The following SAMD12 variants were observed in gnomAD, a reference collection of about 807,000 sequenced individuals.
SAMD12 encodes sterile alpha motif domain-containing protein 12.
SAMD12 carries 9 observed loss-of-function variants against 15.0 expected under a neutral mutation model. That is an observed-to-expected ratio of 0.60 (90% confidence interval 0.36 to 1.05). The LOEUF (loss-of-function observed/expected upper bound fraction) is 1.05, where lower values mean the gene tolerates loss of function less well. SAMD12 is among the 50% of genes least tolerant of loss of function. SAMD12 has a pLI of 0.01. For synonymous variants in SAMD12, 86 were observed against 90.1 expected (o/e 0.96, Z 0.25); for missense variants, 230 against 234.2 (o/e 0.98, Z 0.12).
At chr8:118,576,179 T>C (rs1027039369) in intron 2 of SAMD12, among the ~76,000 whole-genome samples, 1 of 152,170 alleles carries the variant, frequency 6.6e-6, no homozygotes, top group Admixed American at 6.5e-5. Context: ...TATGTCCACA[T>C]TGTCCAAAAC....
chr8:118,135,225 A>G, the SAMD12 span, among the ~76,000 whole-genome samples: 3 of 152,198 alleles, frequency 2.0e-5, no homozygotes, highest in Admixed American at 2.0e-4. Context: ...TCTATCACCC[A>G]GGCTAGAGTG....
At chr8:118,318,614 G>A (rs550890060) in intron 4 of SAMD12, among the ~76,000 whole-genome samples, 1 of 152,122 alleles carries the variant, frequency 6.6e-6, no homozygotes, top group African/African-American at 2.4e-5. Context: ...TGGATACAGT[G>A]TAGTCTACTT....
intron 4 of SAMD12, among the ~76,000 whole-genome samples, chr8:118,232,935 ACT>A (rs1352666495): frequency 2.6e-5 from 4 of 152,134 alleles, no homozygotes; most frequent in African/African-American, 7.2e-5. Context: ...CAATATTGAA[ACT>A]CTGCCAGAAA....
chr8:118,228,302 A>G (rs17485212), intron 4 of SAMD12, among the ~76,000 whole-genome samples: 4,928 of 152,316 alleles, frequency 0.032, 269 homozygotes, highest in African/African-American at 0.11. Context: ...TAAACTAAAG[A>G]GCTTTTCCAT....
At chr8:118,506,828 C>G (rs74900471) in intron 2 of SAMD12, among the ~76,000 whole-genome samples, 1 of 149,928 alleles carries the variant, frequency 6.7e-6, no homozygotes, top group Admixed American at 6.7e-5. Context: ...GAAAGTGTGA[C>G]TGGCTGGGTG....
At chr8:118,351,532 T>C (rs1396371073) in intron 4 of SAMD12, among the ~76,000 whole-genome samples, 1 of 152,198 alleles carries the variant, frequency 6.6e-6, no homozygotes. Flanking sequence ...CTGTGGTCTG[T>C]CATGGTTTAA....
intron 2 of SAMD12, among the ~76,000 whole-genome samples, chr8:118,561,210 C>T (rs181695856): frequency 8.8e-4 from 134 of 152,142 alleles, no homozygotes; most frequent in African/African-American, 3.1e-3. Flanking sequence ...GTTTTGACCA[C>T]AATATTACAA....
intron 2 of SAMD12, among the ~76,000 whole-genome samples, chr8:118,537,318 T>C (rs1262416536): frequency 6.6e-6 from 1 of 152,186 alleles, no homozygotes; most frequent in African/African-American, 2.4e-5. Flanking sequence ...GATATCTTTC[T>C]CTAGGTTTGG....
intron 2 of SAMD12, among the ~76,000 whole-genome samples, chr8:118,456,486 A>T (rs1467175160): frequency 6.6e-6 from 1 of 152,226 alleles, no homozygotes; most frequent in Non-Finnish European, 1.5e-5. Context: ...TGAATTATAC[A>T]ATAAGTATGG....
chr8:118,603,283 A>G (rs79336942), intron 1 of SAMD12, among the ~76,000 whole-genome samples: 2 of 152,308 alleles, frequency 1.3e-5, no homozygotes, highest in African/African-American at 4.8e-5. Context: ...ACCACAAAAT[A>G]CACAACACAG....
At chr8:118,462,617 CA>C in intron 2 of SAMD12, among the ~76,000 whole-genome samples, 1 of 152,180 alleles carries the variant, frequency 6.6e-6, no homozygotes, top group African/African-American at 2.4e-5. Context: ...GAATCCTCCA[CA>C]AAATCAAACT....
intron 1 of SAMD12, among the ~76,000 whole-genome samples, chr8:118,618,838 CA>C (rs34748614): frequency 1.6e-3 from 185 of 118,790 alleles, no homozygotes; most frequent in Admixed American, 2.9e-3. Flanking sequence ...GACTCCGTCT[CA>C]AAAAAAAAAA....
intron 4 of SAMD12, among the ~76,000 whole-genome samples, chr8:118,300,984 T>C (rs1023621038): frequency 1.3e-5 from 2 of 152,240 alleles, no homozygotes; most frequent in Non-Finnish European, 2.9e-5. Flanking sequence ...CAAATAATTT[T>C]ATGCACTTGT....
At chr8:118,159,215 C>A in the SAMD12 span, among the ~76,000 whole-genome samples, 2 of 152,240 alleles carry the variant, frequency 1.3e-5, no homozygotes, top group African/African-American at 4.8e-5. Flanking sequence ...CTTTGTGTTT[C>A]CTGGTGTCTC....
intron 2 of SAMD12, among the ~76,000 whole-genome samples, chr8:118,468,676 T>C (rs1823668016): frequency 6.6e-6 from 1 of 152,000 alleles, no homozygotes; most frequent in Non-Finnish European, 1.5e-5. Context: ...GGCTTCCTTG[T>C]GGCAACATAC....
intron 4 of SAMD12, among the ~76,000 whole-genome samples, chr8:118,351,423 T>C (rs1168690862): frequency 2.0e-5 from 3 of 152,100 alleles, no homozygotes. Flanking sequence ...TACTGGAAAG[T>C]GAGGCTAGGA....
intron 3 of SAMD12, among the ~76,000 whole-genome samples, chr8:118,431,029 A>T (rs1822387676): frequency 1.3e-5 from 2 of 152,194 alleles, no homozygotes; most frequent in South Asian, 2.1e-4. Flanking sequence ...TTCTCAACAC[A>T]TTATTTATCT....
Position 118,577,710 on chromosome 8 carries a change from G to C in SAMD12, c.192+3005C>G, listed in dbSNP as rs188680256. 4.0e-4 allele frequency among the ~76,000 whole-genome samples: 61 copies of C among 152,260 alleles called. 1 individual carries two copies. The highest frequency in any genetic ancestry group is 1.3e-4 in the Non-Finnish European group (9 of 68,012). On this transcript the variant is annotated intron_variant, in intron 2 of 3. Transcript: ENST00000314727. ...CAGAGCTCTCGCATCCCAGAGTTCAGGTGAAGGCAGATACAAAAGCACCTT... is the reference window on the plus strand; with the variant it reads ...CAGAGCTCTCGCATCCCAGAGTTCACGTGAAGGCAGATACAAAAGCACCTT...
At chr8:118,610,037 ACT>A (rs1422689515) in intron 1 of SAMD12, among the ~76,000 whole-genome samples, 1 of 152,210 alleles carries the variant, frequency 6.6e-6, no homozygotes, top group African/African-American at 2.4e-5. Context: ...AGTGTCATTC[ACT>A]GTGTTGAGCT....
Sources: allele counts gnomAD v4.1 joint callset (sites outside exome capture counted in the v4.1 genomes callset), GRCh38; gene constraint gnomAD v4.1.1; transcripts MANE v1.5; gene names NCBI Gene and HGNC (gene_info 2026-07-23, HGNC 2026-07-21).